P2RX3: variants seen among roughly 807,000 people sequenced by gnomAD.
The protein encoded by P2RX3 is purinergic receptor P2X 3, also known as P2X purinoceptor 3.
P2RX3 carries 41 observed loss-of-function variants against 51.5 expected under a neutral mutation model. The observed-to-expected ratio is 0.80, with a 90% CI of 0.62 to 1.03. The LOEUF (loss-of-function observed/expected upper bound fraction) is 1.03. P2RX3 is among the 50% of genes least tolerant of loss of function. P2RX3 has a pLI of 0.00. For synonymous variants in P2RX3, 185 were observed against 191.6 expected, an observed-to-expected ratio of 0.97 and a Z score of 0.29; for missense variants, 459 against 522.1, an observed-to-expected ratio of 0.88 and a Z score of 1.18.
chr11:57,369,921 A>G lies in P2RX3; in HGVS notation c.1118A>G (p.Asn373Ser). Residue 373 changes from asparagine to serine, a missense_variant, in exon 12 of 12, where the codon AAC becomes AGC. Asn to Ser is a conservative substitution (Grantham distance 46). Transcript: ENST00000263314. Reference sequence around the variant, plus strand: ...ACGCTGAAAATCGCGGCTTTGACCAACCCAGTGTACCCCAGCGACCAGACC... The same window carrying G: ...ACGCTGAAAATCGCGGCTTTGACCAGCCCAGTGTACCCCAGCGACCAGACC... Reference protein sequence around the residue: ...ETTLKIAALTNPVYPSDQTTA... With the variant: ...ETTLKIAALTSPVYPSDQTTA... 6.2e-7 allele frequency: 1 copy of G among 1,614,078 alleles called. No individual in the cohort carries two copies. The highest frequency in any genetic ancestry group is 8.5e-7 in the Non-Finnish European group (1 of 1,180,002).
chr11:57,341,236 T>G (rs1372674212), intron 1 of P2RX3, among the ~76,000 whole-genome samples: 1 of 152,194 alleles, frequency 6.6e-6, no homozygotes, highest in African/African-American at 2.4e-5. Context: ...AGGCAGTTTA[T>G]GCAGAGAGGT....
At chr11:57,368,245 C>T in intron 9 of P2RX3, 127 bp from the exon 10 acceptor site, 2 of 1,316,038 alleles carry the variant, frequency 1.5e-6, no homozygotes, top group Admixed American at 1.7e-5. Flanking sequence ...CCCATCAATT[C>T]ACCTGTCCCG....
intron 8 of P2RX3, among the ~76,000 whole-genome samples, chr11:57,351,432 C>G (rs140381788): frequency 2.0e-5 from 3 of 152,332 alleles, no homozygotes; most frequent in Middle Eastern, 3.4e-3. Context: ...AGAACTCAGA[C>G]CAGTCTTTAA....
intron 1 of P2RX3, 95 bp downstream of exon 1, chr11:57,338,764 C>T: frequency 1.3e-6 from 1 of 779,186 alleles, no homozygotes; most frequent in Non-Finnish European, 2.1e-6. Flanking sequence ...GCTTCCTGAG[C>T]TCCTCTGCTC....
rs1856890733 is a variant in P2RX3 at position 57,371,784 on chromosome 11, C to T, written c.*1787C>T. Among the ~76,000 whole-genome samples the T allele has an allele frequency of 6.6e-6, 1 of 152,192 alleles. No homozygotes were observed. The highest frequency in any genetic ancestry group is 1.5e-5 in the Non-Finnish European group (1 of 68,028). ...AGTGAAGGCAGCACCACATTCTCCA[C>T]CTGGGACTCCCCCAGGCATCCCTGG... is the stretch of plus-strand genomic sequence containing the variant. On this transcript the variant is annotated 3_prime_UTR_variant, in exon 12 of 12. Coordinates refer to ENST00000263314, the MANE Select transcript of P2RX3 (RefSeq NM_002559.5).
At chr11:57,349,095 C>G (rs539131421) in intron 6 of P2RX3, among the ~76,000 whole-genome samples, 31 of 152,168 alleles carry the variant, frequency 2.0e-4, no homozygotes, top group Non-Finnish European at 4.3e-4. Context: ...GTTCAGCCCC[C>G]CTTCATTGAC....
intron 8 of P2RX3, among the ~76,000 whole-genome samples, chr11:57,364,150 T>C (rs1367720114): frequency 6.6e-6 from 1 of 152,072 alleles, no homozygotes; most frequent in Non-Finnish European, 1.5e-5. Context: ...GCCTCTGCCC[T>C]GCCCCAAACC....
At chr11:57,365,082 G>T (rs79572691) in intron 8 of P2RX3, among the ~76,000 whole-genome samples, 3,815 of 152,262 alleles carry the variant, frequency 0.025, 62 homozygotes, top group Non-Finnish European at 0.039. Context: ...CCACGCATAG[G>T]CAGAGACAGA....
At position 57,347,402 on chromosome 11, in the gene P2RX3, C is replaced by T. The variant is rs779034757; in HGVS notation, c.328-13C>T. The T allele has an allele frequency of 4.8e-5, 74 of 1,556,804 alleles. No homozygotes were observed. The highest frequency in any genetic ancestry group is 7.3e-5 in the East Asian group (3 of 41,350). On this transcript the variant is annotated splice_polypyrimidine_tract_variant and intron_variant, in intron 3 of 11. Coordinates refer to ENST00000263314, the MANE Select transcript of P2RX3 (RefSeq NM_002559.5). ...CAGTGTCCTTCACCAACCTGTGACC[C>T]GTCTGCCCACAGAGTGAGGAGAAAT...
chr11:57,369,518 C>A, intron 11 of P2RX3, 80 bp downstream of exon 11: 2 of 1,286,162 alleles, frequency 1.6e-6, no homozygotes, highest in South Asian at 1.4e-5. Flanking sequence ...AGTGGCTCCC[C>A]TTCTGAGGCC....
At chr11:57,351,010 C>T in intron 8 of P2RX3, 112 bp downstream of exon 8, 2 of 1,467,950 alleles carry the variant, frequency 1.4e-6, no homozygotes, top group Non-Finnish European at 1.9e-6. Context: ...GCCCCAAGTC[C>T]CACCTCAGGT....
intron 8 of P2RX3, among the ~76,000 whole-genome samples, chr11:57,358,706 G>A (rs140510363): frequency 5.6e-4 from 86 of 152,234 alleles, no homozygotes; most frequent in Non-Finnish European, 9.7e-4. Flanking sequence ...AAGGGCTGTG[G>A]AAATTTGGGC....
rs146592716 is a variant in P2RX3 at position 57,349,838 on chromosome 11, C to T, written c.645C>T (p.Ile215=). The T allele has an allele frequency of 3.7e-6, 6 of 1,614,268 alleles. No homozygotes were observed. The highest frequency in any genetic ancestry group is 4.2e-6 in the Non-Finnish European group (5 of 1,180,050). The change falls in exon 7 of 12, where the codon ATC becomes ATT. Residue 215 remains isoleucine (I), a synonymous_variant. Transcript: ENST00000263314. ...FHPDKDPFCP[I]LRVGDVVKFA... is the part of the protein sequence containing the mutation. ...CGGACAAGGACCCTTTCTGCCCCAT[C>T]TTGCGGGTAGGGGACGTGGTCAAGT...
At chr11:57,360,500 C>T (rs970632392) in intron 8 of P2RX3, among the ~76,000 whole-genome samples, 1 of 152,044 alleles carries the variant, frequency 6.6e-6, no homozygotes, top group Non-Finnish European at 1.5e-5. Context: ...CAAACAGAAA[C>T]AGTGAGATAT....
chr11:57,340,626 A>C (rs1405498883), intron 1 of P2RX3: 1 of 152,290 alleles, frequency 6.6e-6, no homozygotes, highest in Non-Finnish European at 1.5e-5. Flanking sequence ...AAAAGCAGAC[A>C]GGGTCCTCGC....
intron 8 of P2RX3, among the ~76,000 whole-genome samples, chr11:57,352,199 T>G (rs1284666831): frequency 6.6e-6 from 1 of 152,230 alleles, no homozygotes; most frequent in African/African-American, 2.4e-5. Context: ...TGTTAATTTA[T>G]AACTTAAAAA....
At position 57,341,916 on chromosome 11, in the gene P2RX3, T is replaced by C. The variant is rs144192616; in HGVS notation, c.119+3247T>C. Among the ~76,000 whole-genome samples the C allele has an allele frequency of 2.5e-3, 374 of 152,168 alleles. 7 individuals are homozygous for C. Among genetic ancestry groups the C allele is most frequent in the African/African-American group, 8.4e-3 (349 of 41,512 alleles). ...CCATCTGTACAGCCCCATGCTTTGG[T>C]TCATAAAATTCAGCCTCATTTCAGA... is the stretch of plus-strand genomic sequence containing the variant. On this transcript the variant is annotated intron_variant, in intron 1 of 11. Coordinates refer to ENST00000263314, the MANE Select transcript of P2RX3 (RefSeq NM_002559.5).
chr11:57,358,767 G>T (rs1370212130), intron 8 of P2RX3, among the ~76,000 whole-genome samples: 1 of 152,188 alleles, frequency 6.6e-6, no homozygotes, highest in Non-Finnish European at 1.5e-5. Context: ...ACGTTGGAAT[G>T]GAGCTCCAGC....
chr11:57,340,015 A>G (rs918687185), intron 1 of P2RX3, among the ~76,000 whole-genome samples: 4 of 152,226 alleles, frequency 2.6e-5, no homozygotes, highest in African/African-American at 7.2e-5. Context: ...AAATGGCCAC[A>G]AAGTTCCCTT....
Sources: allele counts gnomAD v4.1 joint callset (sites outside exome capture counted in the v4.1 genomes callset), GRCh38; gene constraint gnomAD v4.1.1; transcripts MANE v1.5; gene names NCBI Gene and HGNC (gene_info 2026-07-23, HGNC 2026-07-21).